MRNIP: variants seen among roughly 807,000 people sequenced by gnomAD.
MRNIP encodes the protein MRN complex-interacting protein.
Under a neutral mutation model 29.8 loss-of-function variants are expected in MRNIP, and 30 were observed. The ratio of observed to expected loss-of-function variants is 1.01; its 90% CI spans 0.75 to 1.36. The LOEUF is 1.36. MRNIP is among the 40% of genes most tolerant of loss of function. MRNIP has a pLI of 0.00. For missense variants in MRNIP, 459 were observed against 423.5 expected (o/e 1.08, Z -0.74); for synonymous variants, 201 against 164.1 (o/e 1.23, Z -1.72).
At chr5:179,851,324 C>T (rs368936220) in intron 2 of MRNIP, 1 of 456,084 alleles carries the variant, frequency 2.2e-6, no homozygotes, top group East Asian at 6.9e-5. Context: ...CCTGGGCCAA[C>T]CAGGTTGCTT....
rs144467418 is a variant in MRNIP at position 179,837,316 on chromosome 5, A to ATCTT, written c.*71_*74dup. ...TTATTGTTAATGGTTCTTACAGAGT[A>ATCTT]TCTTTAAAAGTGCCTTAGGGGAACC... On this transcript the variant is annotated 3_prime_UTR_variant, in exon 7 of 7. Coordinates refer to ENST00000292586, the MANE Select transcript of MRNIP (RefSeq NM_016175.4). 9,035 of 1,596,668 alleles carry ATCTT rather than the reference A, an allele frequency of 5.7e-3. 36 individuals are homozygous for ATCTT. The highest frequency in any genetic ancestry group is 6.8e-3 in the Non-Finnish European group (8,002 of 1,171,418).
chr5:179,839,808 C>CCTGGGA (rs1758796868), intron 6 of MRNIP: 1 of 152,370 alleles, frequency 6.6e-6, no homozygotes, highest in African/African-American at 2.4e-5. Context: ...ACTGGATATG[C>CCTGGGA]GGTGGGGCCT....
Position 179,837,765 on chromosome 5 carries a change from G to A in MRNIP, c.658C>T (p.Gln220Ter), listed in dbSNP as rs1294310557. Residue 220 changes from glutamine to a stop codon, truncating the protein, a stop_gained, in exon 7 of 7, where the codon CAG becomes TAG. Transcript: ENST00000292586. LOFTEE classifies it low-confidence loss of function (END_TRUNC). ...TTAGAGGATGTGGCTGTAACCTGCT[G>A]GATGGGACTCCATAGCTCCTTCCCA... Reference protein sequence around the residue: ...GPGKELWSPIQQVTATSSKWA... With the variant: ...GPGKELWSPI 2 of 1,614,238 alleles carry A rather than the reference G, an allele frequency of 1.2e-6. No homozygotes were observed. The highest frequency in any genetic ancestry group is 1.7e-6 in the Non-Finnish European group (2 of 1,180,042).
intron 3 of MRNIP, among the ~76,000 whole-genome samples, chr5:179,846,698 A>T (rs1313150567): frequency 6.6e-6 from 1 of 152,180 alleles, no homozygotes; most frequent in Admixed American, 6.5e-5. Context: ...CTTTTCACAC[A>T]GGGTATGTAA....
intron 1 of MRNIP, among the ~76,000 whole-genome samples, chr5:179,857,101 A>T (rs891092304): frequency 6.6e-6 from 1 of 152,052 alleles, no homozygotes; most frequent in Non-Finnish European, 1.5e-5. Context: ...TAAATAAGTA[A>T]ATAAATAAAT....
At chr5:179,848,150 G>A (rs1242912509) in intron 2 of MRNIP, 84 bp from the exon 3 acceptor site, 15 of 1,021,086 alleles carry the variant, frequency 1.5e-5, no homozygotes, top group Non-Finnish European at 2.2e-5. Flanking sequence ...ACCTCAGGGA[G>A]GACAAAGCTG....
intron 5 of MRNIP, chr5:179,841,656 G>C: frequency 1.8e-6 from 1 of 546,150 alleles, no homozygotes; most frequent in Non-Finnish European, 3.3e-6. Flanking sequence ...GAGATGTTCA[G>C]AATTAAGTGG....
intron 2 of MRNIP, among the ~76,000 whole-genome samples, chr5:179,849,753 G>A (rs560323132): frequency 9.3e-5 from 14 of 150,544 alleles, no homozygotes; most frequent in East Asian, 2.0e-4. Context: ...GCTACGAGAC[G>A]GAATTTGAGA....
chr5:179,855,706 C>T (rs891695204), intron 1 of MRNIP, among the ~76,000 whole-genome samples: 2 of 152,204 alleles, frequency 1.3e-5, no homozygotes, highest in Middle Eastern at 3.4e-3. Context: ...GATCCATTAA[C>T]ATTAATACGA....
At chr5:179,846,441 G>A (rs1029910569) in intron 3 of MRNIP, among the ~76,000 whole-genome samples, 9 of 151,990 alleles carry the variant, frequency 5.9e-5, no homozygotes, top group East Asian at 1.9e-4. Flanking sequence ...CCGCCACCAC[G>A]CCCAGCTGAT....
chr5:179,852,169 C>G (rs1409833751), intron 2 of MRNIP, among the ~76,000 whole-genome samples: 1 of 151,432 alleles, frequency 6.6e-6, no homozygotes, highest in Non-Finnish European at 1.5e-5. Context: ...ATCTGTAGTC[C>G]CAGATACTCA....
chr5:179,854,856 CTT>C (rs1226153419), intron 1 of MRNIP, among the ~76,000 whole-genome samples: 1 of 152,162 alleles, frequency 6.6e-6, no homozygotes, highest in Non-Finnish European at 1.5e-5. Context: ...TGTGTTCTCT[CTT>C]AACATATAAA....
intron 4 of MRNIP, among the ~76,000 whole-genome samples, chr5:179,842,606 A>G (rs1758932368): frequency 7.0e-6 from 1 of 142,352 alleles, no homozygotes. Flanking sequence ...AGGCTGAGGC[A>G]GGAGAATGGT....
intron 1 of MRNIP, among the ~76,000 whole-genome samples, chr5:179,853,648 T>C: frequency 6.6e-6 from 1 of 151,914 alleles, no homozygotes; most frequent in East Asian, 2.0e-4. Context: ...GGCGGGCACC[T>C]GTAATCCCAG....
intron 3 of MRNIP, among the ~76,000 whole-genome samples, chr5:179,846,416 T>C (rs1324214567): frequency 6.6e-6 from 1 of 152,106 alleles, no homozygotes; most frequent in African/African-American, 2.4e-5. Flanking sequence ...CCCTAGTAGC[T>C]GGGATTACAG....
At chr5:179,842,507 C>T (rs1054306987) in intron 4 of MRNIP, among the ~76,000 whole-genome samples, 7 of 147,730 alleles carry the variant, frequency 4.7e-5, no homozygotes, top group Admixed American at 1.3e-4. Context: ...GGTGAAACCC[C>T]GTCTCTACTA....
chr5:179,857,658 A>T (rs1055361485), intron 1 of MRNIP, among the ~76,000 whole-genome samples: 1 of 152,182 alleles, frequency 6.6e-6, no homozygotes. Flanking sequence ...GCTTAGCATT[A>T]AATGCAAGCT....
chr5:179,850,672 G>A (rs1309236473), intron 2 of MRNIP, among the ~76,000 whole-genome samples: 2 of 152,220 alleles, frequency 1.3e-5, no homozygotes, highest in Non-Finnish European at 2.9e-5. Flanking sequence ...AGCTGGAGGG[G>A]GAAATGGCAA....
chr5:179,839,354 G>C (rs1433077714), intron 6 of MRNIP: 1 of 152,150 alleles, frequency 6.6e-6, no homozygotes, highest in African/African-American at 2.4e-5. Flanking sequence ...CACCCAGGCA[G>C]TACAGAAGAG....
Sources: gnomAD v4.1 joint callset for allele counts (sites outside exome capture counted in the v4.1 genomes callset) on GRCh38, gnomAD v4.1.1 for gene constraint, MANE v1.5 for transcripts, NCBI Gene and HGNC (gene_info 2026-07-23, HGNC 2026-07-21) for gene names.